Variants in ADAP2 observed in about 807,000 individuals in gnomAD.
ADAP2 encodes the protein arf-GAP with dual PH domain-containing protein 2.
In ADAP2, 42 loss-of-function variants were observed where a neutral mutation model predicts 54.9. That is an observed-to-expected ratio of 0.77 (90% CI 0.60 to 0.99). The LOEUF is 0.99. Ranked by LOEUF, ADAP2 falls within the 50% of genes least tolerant of loss-of-function variation. ADAP2 has a pLI of 0.00. For missense variants in ADAP2, 429 were observed against 480.4 expected, an observed-to-expected ratio of 0.89 and a Z score of 1.00; for synonymous variants, 177 against 180.1, an observed-to-expected ratio of 0.98 and a Z score of 0.14.
At chr17:30,945,094 C>T in intron 6 of ADAP2, 41 bp downstream of exon 6, 1 of 1,605,360 alleles carries the variant, frequency 6.2e-7, no homozygotes, top group Non-Finnish European at 8.5e-7. Context: ...CCAGCTCGCA[C>T]CCCAGGACTT....
intron 7 of ADAP2, 123 bp from the exon 8 acceptor site, chr17:30,953,165 C>A: frequency 1.3e-6 from 1 of 797,930 alleles, no homozygotes; most frequent in Non-Finnish European, 2.1e-6. Context: ...AAATATAATA[C>A]TGTGAGCCAT....
chr17:30,951,194 T>C (rs1567725658), intron 7 of ADAP2, among the ~76,000 whole-genome samples: 1 of 152,132 alleles, frequency 6.6e-6, no homozygotes, highest in Non-Finnish European at 1.5e-5. Context: ...GACAGATGAG[T>C]GCATCGAGGC....
At chr17:30,944,385 C>T (rs1410094067) in intron 5 of ADAP2, among the ~76,000 whole-genome samples, 1 of 151,968 alleles carries the variant, frequency 6.6e-6, no homozygotes, top group African/African-American at 2.4e-5. Context: ...GCCTATAATC[C>T]CAGCACTTTG....
intron 6 of ADAP2, among the ~76,000 whole-genome samples, chr17:30,946,823 T>C (rs958478841): frequency 6.6e-6 from 1 of 152,198 alleles, no homozygotes; most frequent in African/African-American, 2.4e-5. Context: ...TTACCTGCCA[T>C]GTGCCTCTGC....
At position 30,934,242 on chromosome 17, in the gene ADAP2, G is replaced by A. The variant is rs759456185; in HGVS notation, c.455G>A (p.Arg152Lys). 2.5e-6 allele frequency: 4 copies of A among 1,614,024 alleles called. No individual in the cohort carries two copies. The highest frequency in any genetic ancestry group is 1.7e-5 in the Admixed American group (1 of 59,984). ...RGRDNSQFLR[R>K]KFVLLAREGL... is the part of the protein sequence containing the mutation. ...AGGGACAACTCACAGTTTCTGAGAA[G>A]GAAGTTTGTACTTCTGGCAAGAGAA... is the stretch of plus-strand genomic sequence containing the variant. The change falls in exon 5 of 11, where the codon AGG (arginine) becomes AAG (lysine). Residue 152 changes from arginine (R) to lysine (K), a missense_variant. Transcript: ENST00000330889.
At chr17:30,926,349 GC>G (rs1321877851) in intron 2 of ADAP2, among the ~76,000 whole-genome samples, 1 of 152,146 alleles carries the variant, frequency 6.6e-6, no homozygotes, top group African/African-American at 2.4e-5. Flanking sequence ...ACTCCATGAG[GC>G]GAGCACCCAC....
intron 1 of ADAP2, 91 bp from the exon 2 acceptor site, chr17:30,922,849 G>T: frequency 6.9e-7 from 1 of 1,445,242 alleles, no homozygotes; most frequent in Non-Finnish European, 9.4e-7. Flanking sequence ...GTGGGAGAAG[G>T]GGCGCCCCAC....
Position 30,945,029 on chromosome 17 carries a change from G to C in ADAP2, c.633G>C (p.Leu211=). 4 of 1,614,042 alleles carry C rather than the reference G, an allele frequency of 2.5e-6. No homozygotes were observed. Among genetic ancestry groups the C allele is most frequent in the Non-Finnish European group, 3.4e-6 (4 of 1,180,004 alleles). The part of the protein sequence containing the change: ...TYRRDGHTRN[L]FVYHESGKEI... ...GGAGAGATGGCCACACCAGGAACCT[G>C]TTTGTGTATCATGAAAGTGGGAAGG... The change falls in exon 6 of 11, where the codon CTG becomes CTC. Residue 211 remains leucine (L), a synonymous_variant. Coordinates refer to ENST00000330889, the MANE Select transcript of ADAP2 (RefSeq NM_018404.3).
At chr17:30,926,749 C>A in intron 2 of ADAP2, 78 bp from the exon 3 acceptor site, 1 of 1,305,612 alleles carries the variant, frequency 7.7e-7, no homozygotes, top group Non-Finnish European at 1.1e-6. Flanking sequence ...TCTGACTCAG[C>A]CTAAGTCAGT....
At chr17:30,957,782 C>G (rs552856316) in intron 10 of ADAP2, 53 bp from the exon 11 acceptor site, 1 of 1,581,504 alleles carries the variant, frequency 6.3e-7, no homozygotes, top group African/African-American at 1.3e-5. Context: ...CTCTCCTCCA[C>G]AGGACAGCAT....
intron 5 of ADAP2, among the ~76,000 whole-genome samples, chr17:30,943,877 A>G (rs1912456003): frequency 6.7e-6 from 1 of 150,224 alleles, no homozygotes; most frequent in African/African-American, 2.4e-5. Context: ...ATAAATAAAT[A>G]AATAAATAAA....
At chr17:30,949,194 C>A in intron 6 of ADAP2, 93 bp from the exon 7 acceptor site, 2 of 1,005,648 alleles carry the variant, frequency 2.0e-6, no homozygotes, top group Non-Finnish European at 1.6e-6. Context: ...GTGCCCCACA[C>A]CCAATGCCCA....
intron 7 of ADAP2, among the ~76,000 whole-genome samples, chr17:30,951,654 C>CT (rs1053982493): frequency 0.021 from 2,515 of 120,974 alleles, 39 homozygotes; most frequent in East Asian, 0.029. Context: ...CTTTTCTTTT[C>CT]TTTTTTTTTT....
At chr17:30,945,997 CA>C (rs1310515640) in intron 6 of ADAP2, among the ~76,000 whole-genome samples, 1 of 150,454 alleles carries the variant, frequency 6.6e-6, no homozygotes. Context: ...ACTAAAAATA[CA>C]AAAAAAATTG....
At chr17:30,932,365 T>C (rs1911557861) in intron 4 of ADAP2, among the ~76,000 whole-genome samples, 2 of 151,798 alleles carry the variant, frequency 1.3e-5, no homozygotes, top group South Asian at 4.2e-4. Flanking sequence ...CCCAACTAGC[T>C]GGGACTACAG....
At chr17:30,951,649 CTTTTCTTTT>C (rs1357693839) in intron 7 of ADAP2, among the ~76,000 whole-genome samples, 64 of 125,216 alleles carry the variant, frequency 5.1e-4, no homozygotes, top group African/African-American at 2.0e-3. Flanking sequence ...ATTTTCTTTT[CTTTTCTTTT>C]TTTTTTTTTT....
intron 5 of ADAP2, among the ~76,000 whole-genome samples, chr17:30,937,773 T>C (rs768696048): frequency 6.6e-6 from 1 of 152,192 alleles, no homozygotes; most frequent in Non-Finnish European, 1.5e-5. Flanking sequence ...GATTCCCAGA[T>C]TTTTGCTCTA....
intron 3 of ADAP2, among the ~76,000 whole-genome samples, chr17:30,930,140 C>T (rs1391383514): frequency 6.6e-6 from 1 of 151,944 alleles, no homozygotes; most frequent in Non-Finnish European, 1.5e-5. Flanking sequence ...GGCACAATCT[C>T]AGCTGACTGC....
At chr17:30,925,129 C>T (rs757575894) in intron 2 of ADAP2, among the ~76,000 whole-genome samples, 13 of 151,534 alleles carry the variant, frequency 8.6e-5, no homozygotes, top group Non-Finnish European at 1.5e-4. Flanking sequence ...GGTGATCCAC[C>T]CGCCTCGGCC....
Sources: allele counts gnomAD v4.1 joint callset (sites outside exome capture counted in the v4.1 genomes callset), GRCh38; gene constraint gnomAD v4.1.1; transcripts MANE v1.5; gene names NCBI Gene and HGNC (gene_info 2026-07-23, HGNC 2026-07-21).